DNAH3: variants seen among roughly 807,000 people sequenced by gnomAD.
DNAH3 encodes axonemal beta dynein heavy chain 3.
A neutral mutation model predicts 432.5 loss-of-function variants in DNAH3; 332 were observed. The ratio of observed to expected loss-of-function variants is 0.77; its 90% CI spans 0.70 to 0.84. The LOEUF (loss-of-function observed/expected upper bound fraction) is 0.84. Among genes scored for constraint, DNAH3 ranks in the 40% least tolerant of loss-of-function variants. DNAH3 has a pLI of 0.00. For synonymous variants in DNAH3, 1,956 were observed against 1,900.2 expected (o/e 1.03, Z -0.76); for missense variants, 4,861 against 5,114.0 (o/e 0.95, Z 1.51).
At chr16:21,158,593 G>C (rs1299614011) in intron 1 of DNAH3, 1 of 152,450 alleles carries the variant, frequency 6.6e-6, no homozygotes, top group Non-Finnish European at 1.5e-5. Context: ...GCCCAGAGGA[G>C]AAGAGCCGAG....
chr16:20,962,690 T>C (rs1164029690), intron 53 of DNAH3, among the ~76,000 whole-genome samples: 1 of 152,062 alleles, frequency 6.6e-6, no homozygotes, highest in African/African-American at 2.4e-5. Context: ...GGGGGCAGGG[T>C]CTGTCACCTA....
chr16:21,085,902 G>C (rs2091355816), intron 19 of DNAH3, among the ~76,000 whole-genome samples: 9 of 152,006 alleles, frequency 5.9e-5, no homozygotes, highest in Admixed American at 5.9e-4. Context: ...CAAGTTACTG[G>C]ACCACAAATG....
At chr16:20,970,863 CTTTTTTTTTT>C (rs869203073) in intron 51 of DNAH3, among the ~76,000 whole-genome samples, 1 of 124,090 alleles carries the variant, frequency 8.1e-6, no homozygotes, top group African/African-American at 3.0e-5. Context: ...TTTCTCTATT[CTTTTTTTTTT>C]TTTTTTTTTG....
chr16:20,989,926 C>T (rs2086464784), intron 44 of DNAH3, among the ~76,000 whole-genome samples: 1 of 152,240 alleles, frequency 6.6e-6, no homozygotes, highest in Admixed American at 6.5e-5. Context: ...GGCCGGCCGG[C>T]TGCTCCGAGT....
At chr16:20,951,029 GT>G (rs956799305) in intron 56 of DNAH3, among the ~76,000 whole-genome samples, 1 of 152,010 alleles carries the variant, frequency 6.6e-6, no homozygotes, top group Non-Finnish European at 1.5e-5. Context: ...GCCCAGACTG[GT>G]CTCAGACTCC....
rs111487550 is a variant in DNAH3, at chr16:20,967,798, G to A, written c.8458+1994C>T. Among the ~76,000 whole-genome samples the A allele has an allele frequency of 1.3e-3, 198 of 151,968 alleles. 7 individuals carry two copies. The South Asian group carries it at 0.035, about 27-fold the overall frequency. ...GCTGGGATTACAGGAGTGACCCACC[G>A]CACCTGGCCGACTTCTGCATTCTTT... On this transcript the variant is annotated intron_variant, in intron 52 of 61. Transcript: ENST00000261383.
chr16:21,151,713 T>C (rs2092854668), intron 1 of DNAH3, among the ~76,000 whole-genome samples: 1 of 152,110 alleles, frequency 6.6e-6, no homozygotes, highest in Non-Finnish European at 1.5e-5. Context: ...GTGGCTAACA[T>C]CAATATTACG....
rs1359764336 is a variant in DNAH3 at position 21,013,660 on chromosome 16, G to A, written c.6022+5964C>T. 5.1e-5 allele frequency among the ~76,000 whole-genome samples: 7 copies of A among 137,250 alleles called. No homozygotes were observed. The South Asian group carries it at 9.8e-4, about 19-fold the overall frequency. The allele number at this position is 137,250 out of a possible 152,430, so 90.0% of individuals were successfully genotyped here. On this transcript the variant is annotated intron_variant, in intron 41 of 61. Transcript: ENST00000261383. ...CTTGAACCTGGGAGGAGGAGGTTAC[G>A]ATGAGCCAAGATCGTGCCATTGCAC...
At chr16:21,142,817 C>T (rs546183559) in intron 3 of DNAH3, among the ~76,000 whole-genome samples, 2 of 152,188 alleles carry the variant, frequency 1.3e-5, no homozygotes, top group East Asian at 3.9e-4. Context: ...CCACACCTGG[C>T]TAATTTTCCT....
intron 21 of DNAH3, among the ~76,000 whole-genome samples, chr16:21,074,096 C>T (rs745590097): frequency 8.5e-5 from 13 of 152,234 alleles, no homozygotes; most frequent in Non-Finnish European, 1.3e-4. Context: ...GGAGTATTGG[C>T]GGTGAATGAC....
chr16:21,135,872 G>C (rs370706013), intron 6 of DNAH3, among the ~76,000 whole-genome samples: 1 of 135,552 alleles, frequency 7.4e-6, no homozygotes, highest in South Asian at 2.5e-4. Context: ...AGACCTTGTC[G>C]CTAAAAAAAA....
chr16:21,126,575 A>C (rs193076386), intron 8 of DNAH3, among the ~76,000 whole-genome samples: 132 of 152,320 alleles, frequency 8.7e-4, no homozygotes, highest in African/African-American at 3.0e-3. Flanking sequence ...TATCTGGACT[A>C]TCTGAATATA....
intron 4 of DNAH3, 133 bp from the exon 6 acceptor site, chr16:21,140,843 A>ATG (rs1269002299): frequency 3.6e-5 from 26 of 712,862 alleles, no homozygotes; most frequent in Non-Finnish European, 5.2e-5. Flanking sequence ...ATCTAATGGC[A>ATG]TGTGTGTATA....
chr16:21,054,355 G>T (rs2090059826), intron 28 of DNAH3, 65 bp downstream of exon 28: 4 of 1,238,684 alleles, frequency 3.2e-6, no homozygotes, highest in Admixed American at 3.6e-5. Context: ...GGAGAACTGA[G>T]ATGAGCAAGA....
At chr16:21,086,807 C>T in intron 19 of DNAH3, 42 bp downstream of exon 19, 1 of 1,574,236 alleles carries the variant, frequency 6.4e-7, no homozygotes, top group Non-Finnish European at 8.7e-7. Context: ...AGGGCCAGGC[C>T]TGGGCTGCGC....
chr16:21,035,319 T>C (rs966333090), intron 35 of DNAH3, among the ~76,000 whole-genome samples: 1 of 152,180 alleles, frequency 6.6e-6, no homozygotes, highest in East Asian at 1.9e-4. Context: ...GGAGGGAGAC[T>C]GTTTAAAATA....
intron 7 of DNAH3, among the ~76,000 whole-genome samples, chr16:21,128,351 ACCAG>A: frequency 6.6e-6 from 1 of 152,002 alleles, no homozygotes; most frequent in South Asian, 2.1e-4. Flanking sequence ...GGAGTTCAAG[ACCAG>A]CCTGGCAATA....
In DNAH3 at chr16:20,952,559, G is replaced by A; in HGVS notation, c.11072-10C>T. ...TAGGGAATATTCCACCCTGCGTGTGGGAGAGCAGAGAGAGGCTTCAGTGCT... is the reference window on the plus strand; with the variant it reads ...TAGGGAATATTCCACCCTGCGTGTGAGAGAGCAGAGAGAGGCTTCAGTGCT... On this transcript the variant is annotated splice_polypyrimidine_tract_variant and intron_variant, in intron 55 of 61. Transcript: ENST00000261383. The A allele has an allele frequency of 2.6e-6, 4 of 1,551,592 alleles. No homozygotes were observed. Among genetic ancestry groups the A allele is most frequent in the Non-Finnish European group, 3.6e-6 (4 of 1,123,834 alleles).
chr16:20,985,382 C>T (rs745652716), exon 48 of DNAH3: 14 of 1,613,984 alleles, frequency 8.7e-6, no homozygotes, highest in East Asian at 4.5e-5. Flanking sequence ...TGGTATAGCT[C>T]GTATGCGTTC....
Sources: gnomAD v4.1 joint callset for allele counts (sites outside exome capture counted in the v4.1 genomes callset) on GRCh38, gnomAD v4.1.1 for gene constraint, MANE v1.5 for transcripts, NCBI Gene and HGNC (gene_info 2026-07-23, HGNC 2026-07-21) for gene names.